Variants in EXOC2 observed in about 807,000 individuals in gnomAD.
EXOC2 encodes the protein exocyst complex component 2.
A neutral mutation model predicts 131.8 loss-of-function variants in EXOC2; 70 were observed. The ratio of observed to expected loss-of-function variants is 0.53; its 90% CI spans 0.44 to 0.65. EXOC2 has a LOEUF of 0.65. Among genes scored for constraint, EXOC2 ranks in the 30% least tolerant of loss-of-function variants. The pLI, the probability that EXOC2 is intolerant of heterozygous loss-of-function variation, is 0.00. For synonymous variants in EXOC2, 411 were observed against 398.4 expected, an observed-to-expected ratio of 1.03 and a Z score of -0.38; for missense variants, 923 against 1,108.6, an observed-to-expected ratio of 0.83 and a Z score of 2.38.
intron 1 of EXOC2, among the ~76,000 whole-genome samples, chr6:662,502 C>T (rs1180608537): frequency 2.0e-5 from 3 of 152,164 alleles, no homozygotes; most frequent in South Asian, 2.1e-4. Flanking sequence ...CCAAACAGAA[C>T]CTTCAAAACC....
At chr6:533,126 A>T (rs1196444050) in intron 22 of EXOC2, among the ~76,000 whole-genome samples, 1 of 152,032 alleles carries the variant, frequency 6.6e-6, no homozygotes, top group African/African-American at 2.4e-5. Context: ...CGATTCAATG[A>T]CCTCCACCTG....
chr6:621,895 CTTTA>C (rs1761311289), intron 4 of EXOC2, among the ~76,000 whole-genome samples: 1 of 152,178 alleles, frequency 6.6e-6, no homozygotes. Flanking sequence ...GTTTTTCTCA[CTTTA>C]TTTATCTGCA....
At chr6:495,127 C>CTTTT (rs11335527) in intron 25 of EXOC2, among the ~76,000 whole-genome samples, 1 of 119,620 alleles carries the variant, frequency 8.4e-6, no homozygotes, top group African/African-American at 2.9e-5. Flanking sequence ...GGTGAACATT[C>CTTTT]TTTTTTTTTT....
chr6:527,875 T>C (rs2050134), intron 23 of EXOC2, among the ~76,000 whole-genome samples: 23,015 of 147,558 alleles, frequency 0.16, 1,924 homozygotes, highest in African/African-American at 0.23. Context: ...ATAGAAAAAA[T>C]AAAACCAGTA....
At chr6:532,439 A>G (rs760092658) in intron 23 of EXOC2, 30 bp downstream of exon 23, 14 of 1,518,006 alleles carry the variant, frequency 9.2e-6, no homozygotes, top group Non-Finnish European at 1.2e-5. Context: ...GTATATCCAC[A>G]TCTATTACTC....
rs1341395278 is a variant in EXOC2, at chr6:485,325, AAACTTTC to A, written c.*1339_*1345del. ...TTATCAAGCACATTTGTGAAAGATT[AAACTTTC>A]ATTTCCAGTTACCATGATGTCCCCC... On this transcript the variant is annotated 3_prime_UTR_variant, in exon 28 of 28. Coordinates refer to ENST00000230449, the MANE Select transcript of EXOC2 (RefSeq NM_018303.6). The A allele has an allele frequency of 1.3e-5, 2 of 152,234 alleles. No homozygotes were observed. The highest frequency in any genetic ancestry group is 1.5e-5 in the Non-Finnish European group (1 of 68,046). 9.4% of individuals were successfully genotyped at this position (152,234 alleles called of 1,614,324 possible).
intron 7 of EXOC2, 61 bp from the exon 8 acceptor site, chr6:599,286 A>G: frequency 6.8e-7 from 1 of 1,461,290 alleles, no homozygotes; most frequent in South Asian, 1.5e-5. Flanking sequence ...AAAATGTGTA[A>G]CTGGGCACTA....
chr6:587,534 G>A (rs554844870), intron 11 of EXOC2, among the ~76,000 whole-genome samples: 87 of 152,320 alleles, frequency 5.7e-4, no homozygotes, highest in African/African-American at 2.0e-3. Context: ...GTGAGCCACC[G>A]CGCCCGGCCA....
Position 580,856 on chromosome 6 carries a change from G to A in EXOC2, c.1193-3974C>T, listed in dbSNP as rs562321602. 2.6e-5 allele frequency among the ~76,000 whole-genome samples: 4 copies of A among 152,130 alleles called. No individual in the cohort carries two copies. The South Asian group carries it at 6.3e-4, about 24-fold the overall frequency. On this transcript the variant is annotated intron_variant, in intron 11 of 27. Coordinates refer to ENST00000230449, the MANE Select transcript of EXOC2 (RefSeq NM_018303.6). The stretch of plus-strand genomic sequence containing the variant: ...ACAACACAGAAAAGACATTTATTCC[G>A]ATCACTGTTCGTACAGTTTTGGACA...
At chr6:552,220 G>A (rs1757181903) in intron 21 of EXOC2, among the ~76,000 whole-genome samples, 1 of 152,210 alleles carries the variant, frequency 6.6e-6, no homozygotes, top group African/African-American at 2.4e-5. Context: ...TCCACACCCA[G>A]GCCCCCTCAC....
chr6:544,966 T>A (rs1024174543), intron 22 of EXOC2, among the ~76,000 whole-genome samples: 7 of 151,356 alleles, frequency 4.6e-5, no homozygotes, highest in African/African-American at 1.7e-4. Context: ...GCTAACAAGG[T>A]GAAACCCCGT....
At chr6:672,850 T>C (rs895392294) in intron 1 of EXOC2, among the ~76,000 whole-genome samples, 11 of 147,658 alleles carry the variant, frequency 7.4e-5, no homozygotes, top group Non-Finnish European at 1.5e-4. Context: ...GTTTTCAATA[T>C]TTACATAAGT....
Position 517,343 on chromosome 6 carries a change from A to T in EXOC2, c.2380+15126T>A, listed in dbSNP as rs573512448. Among the ~76,000 whole-genome samples the T allele has an allele frequency of 1.1e-4, 17 of 151,728 alleles. No individual in the cohort carries two copies. The South Asian group carries it at 2.5e-3, about 22-fold the overall frequency. ...CCCACAAAGAGGGCACAACTAAATT[A>T]AAAAAAAATCAACTACAATGAATTG... On this transcript the variant is annotated intron_variant, in intron 23 of 27. Coordinates refer to ENST00000230449, the MANE Select transcript of EXOC2 (RefSeq NM_018303.6).
intron 1 of EXOC2, among the ~76,000 whole-genome samples, chr6:682,360 C>T (rs551118076): frequency 3.2e-4 from 49 of 152,062 alleles, no homozygotes; most frequent in African/African-American, 1.1e-3. Context: ...CTACCACGCC[C>T]GGCTAATTTT....
chr6:655,645 A>G (rs1226560930), intron 1 of EXOC2, among the ~76,000 whole-genome samples: 2 of 152,254 alleles, frequency 1.3e-5, no homozygotes, highest in Non-Finnish European at 2.9e-5. Flanking sequence ...AACAAAGAAT[A>G]TGTAATGCAC....
At chr6:668,168 G>C (rs544229244) in intron 1 of EXOC2, among the ~76,000 whole-genome samples, 1 of 152,098 alleles carries the variant, frequency 6.6e-6, no homozygotes, top group African/African-American at 2.4e-5. Context: ...CGTGTTCTCT[G>C]GGCTCCCAGG....
chr6:627,797 T>C (rs751435150), intron 4 of EXOC2, among the ~76,000 whole-genome samples: 12 of 152,248 alleles, frequency 7.9e-5, no homozygotes, highest in Non-Finnish European at 1.6e-4. Flanking sequence ...GATTTTCCCT[T>C]TTTCAAAAAT....
At position 666,377 on chromosome 6, in the gene EXOC2, A is replaced by ATAGTC. The variant is rs1581657989; in HGVS notation, c.-44+26641_-44+26642insGACTA. On this transcript the variant is annotated intron_variant, in intron 1 of 27. Transcript: ENST00000230449. ...AGTCATACTGATGCAAAATTGAGCA[A>ATAGTC]ATGATTCAAATGTTACTTATGTTTA... Among the ~76,000 whole-genome samples, 17 of 37,536 alleles carry ATAGTC rather than the reference A, an allele frequency of 4.5e-4. 4 individuals carry two copies. Among genetic ancestry groups the ATAGTC allele is most frequent in the African/African-American group, 9.6e-4 (16 of 16,602 alleles). The allele number at this position is 37,536 out of a possible 152,430, so 24.6% of individuals were successfully genotyped here.
intron 22 of EXOC2, among the ~76,000 whole-genome samples, chr6:545,734 G>T (rs1169432290): frequency 6.6e-6 from 1 of 152,168 alleles, no homozygotes; most frequent in East Asian, 1.9e-4. Context: ...GGATTCTATC[G>T]TGAGGAAGTA....
Sources: gnomAD v4.1 joint callset for allele counts (sites outside exome capture counted in the v4.1 genomes callset) on GRCh38, gnomAD v4.1.1 for gene constraint, MANE v1.5 for transcripts, NCBI Gene and HGNC (gene_info 2026-07-23, HGNC 2026-07-21) for gene names.